FGGY: variants seen among roughly 807,000 people sequenced by gnomAD.
FGGY encodes the protein FGGY carbohydrate kinase domain-containing protein.
In FGGY, 72 loss-of-function variants were observed where a neutral mutation model predicts 71.3. The observed-to-expected ratio is 1.01, with a 90% CI of 0.84 to 1.23. The LOEUF (loss-of-function observed/expected upper bound fraction) is 1.23, where lower values mean the gene tolerates loss of function less well. Among genes scored for constraint, FGGY ranks in the 50% most tolerant of loss-of-function variants. The pLI, the probability that FGGY is intolerant of heterozygous loss-of-function variation, is 0.00. For synonymous variants in FGGY, 251 were observed against 250.3 expected (o/e 1.00, Z -0.02); for missense variants, 668 against 682.3 (o/e 0.98, Z 0.23).
chr1:59,357,264 A>T (rs931535515), intron 4 of FGGY, among the ~76,000 whole-genome samples: 2 of 146,842 alleles, frequency 1.4e-5, no homozygotes, highest in African/African-American at 5.0e-5. Context: ...CCAGCAAAGT[A>T]ATTTTTAAAA....
At chr1:59,386,539 C>A (rs982684280) in intron 5 of FGGY, among the ~76,000 whole-genome samples, 1 of 151,856 alleles carries the variant, frequency 6.6e-6, no homozygotes, top group Non-Finnish European at 1.5e-5. Context: ...ACTCTTCCAC[C>A]CCCCACCCCC....
intron 4 of FGGY, 25 bp downstream of exon 4, chr1:59,346,423 G>C (rs186737919): frequency 1.2e-6 from 2 of 1,609,746 alleles, no homozygotes; most frequent in Non-Finnish European, 1.7e-6. Flanking sequence ...TCTAAGAGAA[G>C]ATACCAACAA....
intron 1 of FGGY, among the ~76,000 whole-genome samples, chr1:59,315,307 A>AACT (rs2045236335): frequency 2.6e-5 from 4 of 151,682 alleles, no homozygotes; most frequent in African/African-American, 9.7e-5. Flanking sequence ...CCATCAATCA[A>AACT]AGGATTTCTT....
intron 7 of FGGY, among the ~76,000 whole-genome samples, chr1:59,523,432 T>C (rs1300692242): frequency 6.6e-6 from 1 of 152,238 alleles, no homozygotes. Context: ...TTCCTTATTA[T>C]CTCTCCACAG....
At chr1:59,466,250 G>A (rs1301574078) in intron 6 of FGGY, among the ~76,000 whole-genome samples, 1 of 152,094 alleles carries the variant, frequency 6.6e-6, no homozygotes, top group East Asian at 1.9e-4. Flanking sequence ...AACAAGAAAT[G>A]GGGAAAGGAT....
chr1:59,692,847 C>A (rs1318069530), intron 14 of FGGY, among the ~76,000 whole-genome samples: 2 of 152,146 alleles, frequency 1.3e-5, no homozygotes, highest in South Asian at 4.1e-4. Flanking sequence ...TCTCCTCTCC[C>A]GCGGCTAGAC....
chr1:59,705,239 C>T (rs1253049597), intron 14 of FGGY, among the ~76,000 whole-genome samples: 3 of 152,086 alleles, frequency 2.0e-5, no homozygotes, highest in Non-Finnish European at 4.4e-5. Flanking sequence ...TATCTGGTAC[C>T]GGAGTTTTAA....
At chr1:59,740,664 T>G (rs2098139730) in intron 14 of FGGY, among the ~76,000 whole-genome samples, 1 of 152,258 alleles carries the variant, frequency 6.6e-6, no homozygotes, top group Non-Finnish European at 1.5e-5. Context: ...CCTTCACATT[T>G]GTTACGATGA....
chr1:59,614,667 G>T (rs1015040164), intron 9 of FGGY, among the ~76,000 whole-genome samples: 48 of 152,028 alleles, frequency 3.2e-4, no homozygotes, highest in African/African-American at 1.1e-3. Context: ...GGCAGGAGAA[G>T]GAAATAAAGG....
rs527769054 is a variant in FGGY at position 59,612,064 on chromosome 1, G to A, written c.1011+4154G>A. Among the ~76,000 whole-genome samples the A allele has an allele frequency of 1.7e-4, 26 of 152,300 alleles. No homozygotes were observed. In the East Asian group the frequency reaches 4.6e-3, roughly 27 times the overall value. The stretch of plus-strand genomic sequence containing the variant: ...TGACGGGGAGAATGGAACCAACTGG[G>A]AAAACACTCTGCAGGATATTATCCA... On this transcript the variant is annotated intron_variant, in intron 9 of 15. Transcript: ENST00000303721.
chr1:59,412,575 C>T (rs2063762097), intron 5 of FGGY, among the ~76,000 whole-genome samples: 1 of 152,158 alleles, frequency 6.6e-6, no homozygotes, highest in Non-Finnish European at 1.5e-5. Context: ...AAAAGATGTG[C>T]AGTGTTTAAA....
At chr1:59,581,815 T>C (rs1488847088) in intron 8 of FGGY, among the ~76,000 whole-genome samples, 1 of 150,138 alleles carries the variant, frequency 6.7e-6, no homozygotes, top group African/African-American at 2.5e-5. Context: ...GACCTGTCTT[T>C]GAATGTAACC....
chr1:59,757,312 C>CT (rs1204083507), intron 14 of FGGY, among the ~76,000 whole-genome samples: 5 of 152,196 alleles, frequency 3.3e-5, no homozygotes, highest in African/African-American at 1.2e-4. Context: ...TACCCAGATG[C>CT]TGTAACATGT....
At chr1:59,403,819 G>A (rs11586894) in intron 5 of FGGY, among the ~76,000 whole-genome samples, 29,274 of 152,014 alleles carry the variant, frequency 0.19, 3,009 homozygotes, top group East Asian at 0.36. Flanking sequence ...TGTAAGCCCC[G>A]GCCTCTCTGC....
At chr1:59,722,953 T>A (rs891190585) in intron 14 of FGGY, among the ~76,000 whole-genome samples, 1 of 152,140 alleles carries the variant, frequency 6.6e-6, no homozygotes, top group South Asian at 2.1e-4. Flanking sequence ...CCCGCCACCA[T>A]GCCCGGCTAA....
At chr1:59,465,019 C>A (rs2092524138) in intron 6 of FGGY, among the ~76,000 whole-genome samples, 1 of 152,156 alleles carries the variant, frequency 6.6e-6, no homozygotes, top group South Asian at 2.1e-4. Context: ...TTTATGAGGC[C>A]AGCATCATCC....
chr1:59,468,819 C>G (rs926003083), intron 6 of FGGY, among the ~76,000 whole-genome samples: 4 of 149,808 alleles, frequency 2.7e-5, no homozygotes, highest in Non-Finnish European at 4.4e-5. Context: ...TTGCAGTGAG[C>G]CAAGATTGCA....
chr1:59,380,258 A>G (rs540514655), intron 5 of FGGY, among the ~76,000 whole-genome samples: 8 of 151,464 alleles, frequency 5.3e-5, no homozygotes, highest in Non-Finnish European at 1.2e-4. Flanking sequence ...ATAAACATAC[A>G]TGTGCATGTG....
intron 7 of FGGY, among the ~76,000 whole-genome samples, chr1:59,513,352 C>A (rs543373470): frequency 6.6e-6 from 1 of 152,208 alleles, no homozygotes; most frequent in African/African-American, 2.4e-5. Context: ...AGCTGTGTTT[C>A]CATTCTGTGT....
Sources: allele counts gnomAD v4.1 joint callset (sites outside exome capture counted in the v4.1 genomes callset), GRCh38; gene constraint gnomAD v4.1.1; transcripts MANE v1.5; gene names NCBI Gene and HGNC (gene_info 2026-07-23, HGNC 2026-07-21).